C1orf94: variants seen among roughly 807,000 people sequenced by gnomAD.
The protein encoded by C1orf94 is uncharacterized protein C1orf94.
C1orf94 carries 45 observed loss-of-function variants against 53.6 expected under a neutral mutation model. The observed-to-expected ratio is 0.84, with a 90% CI of 0.66 to 1.08. The LOEUF (loss-of-function observed/expected upper bound fraction) is 1.08, where lower values mean the gene tolerates loss of function less well. Ranked by LOEUF, C1orf94 falls within the 50% of genes least tolerant of loss-of-function variation. The probability of loss-of-function intolerance (pLI) is 0.00; values close to 1 mark genes in which losing one functional copy is unlikely to be tolerated. For missense variants in C1orf94, 762 were observed against 738.9 expected, an observed-to-expected ratio of 1.03 and a Z score of -0.36; for synonymous variants, 304 against 296.1, an observed-to-expected ratio of 1.03 and a Z score of -0.27.
At chr1:34,207,891 C>T (rs917843820) in intron 4 of C1orf94, among the ~76,000 whole-genome samples, 1 of 152,194 alleles carries the variant, frequency 6.6e-6, no homozygotes, top group Non-Finnish European at 1.5e-5. Flanking sequence ...AAACACAGAT[C>T]TGGGACTCGG....
At chr1:34,188,196 G>A (rs948282085) in intron 1 of C1orf94, among the ~76,000 whole-genome samples, 3 of 152,176 alleles carry the variant, frequency 2.0e-5, no homozygotes, top group African/African-American at 7.2e-5. Flanking sequence ...GTGTGTGAAA[G>A]GTTCTCTGAT....
At chr1:34,209,074 T>G (rs1011917609) in intron 5 of C1orf94, among the ~76,000 whole-genome samples, 1 of 152,204 alleles carries the variant, frequency 6.6e-6, no homozygotes, top group African/African-American at 2.4e-5. Flanking sequence ...ATTAGTTATC[T>G]GAAATTTGAA....
At chr1:34,170,173 A>G (rs1642124588) in intron 1 of C1orf94, among the ~76,000 whole-genome samples, 1 of 152,062 alleles carries the variant, frequency 6.6e-6, no homozygotes, top group African/African-American at 2.4e-5. Context: ...TCATTCACTT[A>G]CTCTTCACTT....
chr1:34,216,044 AC>A (rs1477876539), intron 6 of C1orf94, among the ~76,000 whole-genome samples: 1 of 152,126 alleles, frequency 6.6e-6, no homozygotes, highest in Non-Finnish European at 1.5e-5. Context: ...CAAACAAAAA[AC>A]AAAAAATGAC....
At chr1:34,213,619 C>A (rs1469942726) in intron 6 of C1orf94, among the ~76,000 whole-genome samples, 2 of 152,138 alleles carry the variant, frequency 1.3e-5, no homozygotes, top group Non-Finnish European at 2.9e-5. Context: ...CGGCTCACTG[C>A]AATCTCCGCC....
At position 34,202,066 on chromosome 1, in the gene C1orf94, C is replaced by T; in HGVS notation, c.1271-18C>T. On this transcript the variant is annotated intron_variant, in intron 3 of 6. Coordinates refer to ENST00000488417, the MANE Select transcript of C1orf94 (RefSeq NM_001134734.2). ...TGCCTCCATCACTGACCCGCTTTGC[C>T]TCTCCTGTGACTTGCAGTTAACGCA... The T allele has an allele frequency of 6.2e-7, 1 of 1,610,186 alleles. No homozygotes were observed. The highest frequency in any genetic ancestry group is 8.5e-7 in the Non-Finnish European group (1 of 1,178,102).
Position 34,197,522 on chromosome 1 carries a change from T to G in C1orf94, c.618T>G (p.Thr206=). ...SRQDCDSATS[T]VTDILCAAEV... is the part of the protein sequence containing the mutation. ...AGGACTGTGATTCTGCCACTTCTAC[T>G]GTCACAGACATTCTGTGTGCCGCCG... Residue 206 remains threonine (T), a synonymous_variant, in exon 2 of 7, where the codon ACT becomes ACG. Coordinates refer to ENST00000488417, the MANE Select transcript of C1orf94 (RefSeq NM_001134734.2). This position sits in a 1 kb window ranked among gnomAD's most constrained non-coding sequence, Gnocchi z 4.1. 4 of 1,614,108 alleles carry G rather than the reference T, an allele frequency of 2.5e-6. No individual in the cohort carries two copies. Among genetic ancestry groups the G allele is most frequent in the Non-Finnish European group, 3.4e-6 (4 of 1,180,012 alleles).
intron 1 of C1orf94, among the ~76,000 whole-genome samples, chr1:34,186,736 C>T (rs1017299683): frequency 2.6e-4 from 40 of 152,162 alleles, no homozygotes; most frequent in Admixed American, 6.5e-5. Context: ...GGACACAGCC[C>T]CTTAATCGGG....
chr1:34,195,353 G>A (rs1410942462), intron 1 of C1orf94, among the ~76,000 whole-genome samples: 1 of 152,190 alleles, frequency 6.6e-6, no homozygotes, highest in African/African-American at 2.4e-5. Flanking sequence ...TTACAGGGGA[G>A]GACACTGAGG....
chr1:34,167,617 G>A (rs1462241874), intron 1 of C1orf94, among the ~76,000 whole-genome samples: 1 of 126,714 alleles, frequency 7.9e-6, no homozygotes, highest in East Asian at 2.1e-4. Flanking sequence ...AGCGCCTCCT[G>A]TGCTCGGGGG....
At chr1:34,192,470 G>A (rs552039484) in intron 1 of C1orf94, among the ~76,000 whole-genome samples, 15 of 152,310 alleles carry the variant, frequency 9.8e-5, no homozygotes, top group Non-Finnish European at 1.5e-4. Context: ...GCTCTTAGAG[G>A]TCTTGGCATG....
rs1642630990 is a variant in C1orf94 at position 34,197,982 on chromosome 1, G to A, written c.1009+69G>A. The A allele has an allele frequency of 6.2e-6, 9 of 1,443,344 alleles. No homozygotes were observed. The Admixed American group carries it at 1.7e-4, about 28-fold the overall frequency. The allele number at this position is 1,443,344 out of a possible 1,614,324, so 89.4% of individuals were successfully genotyped here. The stretch of plus-strand genomic sequence containing the variant: ...AGGTCCTTCCCAGGAAGCCAATCAG[G>A]GCTGCAGCATGTACATAAAGCATCT... On this transcript the variant is annotated intron_variant, in intron 2 of 6. Transcript: ENST00000488417. This position sits in a 1 kb window ranked among gnomAD's most constrained non-coding sequence, Gnocchi z 4.1.
chr1:34,208,186 G>C lies in C1orf94; in HGVS notation c.1476G>C (p.Met492Ile). 6.2e-7 allele frequency: 1 copy of C among 1,614,146 alleles called. No individual in the cohort carries two copies. Among genetic ancestry groups the C allele is most frequent in the Non-Finnish European group, 8.5e-7 (1 of 1,180,010 alleles). ...TGTACCCACAGCAGGCAGCGAGGAT[G>C]CCCTATCAGCAGGCTTTGCACCCGC... ...QGLYPQQAAR[M>I]PYQQALHPQL... is the part of the protein sequence containing the mutation. The change falls in exon 5 of 7, where the codon ATG becomes ATC. Residue 492 changes from methionine (M) to isoleucine (I), a missense_variant. Met to Ile is a conservative substitution (Grantham distance 10). Transcript: ENST00000488417.
At chr1:34,213,028 G>A (rs1642921047) in intron 6 of C1orf94, among the ~76,000 whole-genome samples, 1 of 152,162 alleles carries the variant, frequency 6.6e-6, no homozygotes, top group Admixed American at 6.5e-5. Flanking sequence ...GCATGCTGTT[G>A]AGTCATAAAT....
intron 5 of C1orf94, among the ~76,000 whole-genome samples, chr1:34,209,563 A>G (rs1642857178): frequency 6.6e-6 from 1 of 152,148 alleles, no homozygotes; most frequent in Admixed American, 6.5e-5. Context: ...ACTCCAACTC[A>G]TACAACCTCT....
intron 6 of C1orf94, among the ~76,000 whole-genome samples, chr1:34,213,234 A>AC (rs1470814730): frequency 6.6e-6 from 1 of 152,152 alleles, no homozygotes; most frequent in Non-Finnish European, 1.5e-5. Context: ...TCCCAGCCTG[A>AC]CAGTGATTCC....
upstream of C1orf94, among the ~76,000 whole-genome samples, chr1:34,175,159 C>T (rs1437012869): frequency 4.0e-5 from 6 of 150,790 alleles, no homozygotes; most frequent in Non-Finnish European, 8.9e-5. Context: ...AAAACATGCT[C>T]TATCTTTGTT....
At chr1:34,180,602 C>T (rs968614553) in intron 1 of C1orf94, among the ~76,000 whole-genome samples, 9 of 152,344 alleles carry the variant, frequency 5.9e-5, no homozygotes, top group African/African-American at 2.2e-4. Flanking sequence ...GCAATAATGT[C>T]GGCTGTCCTG....
chr1:34,206,954 T>C (rs1419879474), intron 4 of C1orf94, among the ~76,000 whole-genome samples: 1 of 152,160 alleles, frequency 6.6e-6, no homozygotes, highest in African/African-American at 2.4e-5. Flanking sequence ...AGGTACACTC[T>C]TGGGGACCTG....
Sources: allele counts gnomAD v4.1 joint callset (sites outside exome capture counted in the v4.1 genomes callset), GRCh38; gene constraint gnomAD v4.1.1; non-coding constraint Gnocchi (gnomAD v3.1); transcripts MANE v1.5; gene names NCBI Gene and HGNC (gene_info 2026-07-23, HGNC 2026-07-21).